Variants in CLTC observed in about 807,000 individuals in gnomAD.
CLTC encodes the protein clathrin heavy chain.
In CLTC, 16 loss-of-function variants were observed where a neutral mutation model predicts 195.8. That is an observed-to-expected ratio of 0.08 (90% CI 0.06 to 0.12). The LOEUF is 0.12. Ranked by LOEUF, CLTC falls within the 10% of genes least tolerant of loss-of-function variation. The probability of loss-of-function intolerance (pLI) is 1.00; values close to 1 mark genes in which losing one functional copy is unlikely to be tolerated. For missense variants in CLTC, 796 were observed against 2,027.0 expected, an observed-to-expected ratio of 0.39 and a Z score of 11.66; for synonymous variants, 667 against 689.4, an observed-to-expected ratio of 0.97 and a Z score of 0.51.
At chr17:59,621,867 G>A (rs1010094256) in intron 1 of CLTC, among the ~76,000 whole-genome samples, 4 of 152,088 alleles carry the variant, frequency 2.6e-5, no homozygotes, top group Non-Finnish European at 4.4e-5. Context: ...AGGGGAAAAC[G>A]CGGGCTTATT....
chr17:59,669,323 AG>A (rs2032796288), intron 14 of CLTC, among the ~76,000 whole-genome samples: 2 of 152,182 alleles, frequency 1.3e-5, no homozygotes, highest in South Asian at 4.1e-4. Context: ...CCTCTATTGT[AG>A]GCAAAGGGAT....
At chr17:59,674,898 A>G (rs78192833) in intron 16 of CLTC, 55 bp downstream of exon 16, 44,135 of 1,517,288 alleles carry the variant, frequency 0.029, 721 homozygotes, top group Non-Finnish European at 0.035. Context: ...GGCAATAGAT[A>G]AAAATATAGG....
At chr17:59,633,311 T>G (rs927340618) in intron 1 of CLTC, among the ~76,000 whole-genome samples, 1 of 152,032 alleles carries the variant, frequency 6.6e-6, no homozygotes, top group African/African-American at 2.4e-5. Context: ...GCCAACATGG[T>G]GAAACCCCGT....
At chr17:59,673,364 A>C (rs912818773) in intron 14 of CLTC, among the ~76,000 whole-genome samples, 1 of 152,212 alleles carries the variant, frequency 6.6e-6, no homozygotes, top group African/African-American at 2.4e-5. Context: ...TTATCATCTG[A>C]GAGCCACTGG....
rs2031308648 is a variant in CLTC, at chr17:59,620,030, C to T, written c.-102C>T. 7.6e-6 allele frequency: 8 copies of T among 1,050,804 alleles called. No individual in the cohort carries two copies. Among genetic ancestry groups the T allele is most frequent in the Non-Finnish European group, 1.2e-5 (8 of 692,110 alleles). The allele number at this position is 1,050,804 out of a possible 1,614,324, so 65.1% of individuals were successfully genotyped here. On this transcript the variant is annotated 5_prime_UTR_variant, in exon 1 of 32. Coordinates refer to ENST00000269122, the MANE Select transcript of CLTC (RefSeq NM_004859.4). ...TCCCCGGAGAGGATCCTGCTGAGCC[C>T]AGCCTCCCCCCTCCCCTTCTCCTCC...
intron 1 of CLTC, among the ~76,000 whole-genome samples, chr17:59,632,701 C>T (rs781188268): frequency 3.9e-5 from 6 of 151,972 alleles, no homozygotes; most frequent in Non-Finnish European, 5.9e-5. Flanking sequence ...CTCTTCCTGA[C>T]CAAAAAAATC....
In CLTC at chr17:59,666,066, T is replaced by G; in HGVS notation, c.1645-37T>G. The G allele has an allele frequency of 6.6e-7, 1 of 1,509,110 alleles. No individual in the cohort carries two copies. Among genetic ancestry groups the G allele is most frequent in the Non-Finnish European group, 9.2e-7 (1 of 1,090,764 alleles). 93.5% of individuals were successfully genotyped at this position (1,509,110 alleles called of 1,614,324 possible). A position where few individuals can be genotyped will look rare whatever the true frequency, so the allele number is the denominator to read the frequency against. On this transcript the variant is annotated intron_variant, in intron 10 of 31. Transcript: ENST00000269122. This position sits in a 1 kb window ranked among gnomAD's most constrained non-coding sequence, Gnocchi z 4.9. ...AATTTTGTCTACATACTCTCCATAG[T>G]ATCTTAAAACAATTTCTTTTAAATC...
chr17:59,656,136 CAT>C, intron 6 of CLTC, 109 bp downstream of exon 6: 1 of 952,070 alleles, frequency 1.1e-6, no homozygotes. Context: ...AGAAAATAAA[CAT>C]ATTACTGTTA....
intron 2 of CLTC, among the ~76,000 whole-genome samples, chr17:59,646,557 A>G (rs1430019743): frequency 6.6e-6 from 1 of 151,536 alleles, no homozygotes. Flanking sequence ...TTAAAGACTA[A>G]TCTTGATAGC....
chr17:59,648,363 T>C lies in CLTC; in HGVS notation c.643T>C (p.Leu215=). ...GGAAGGAAATGCAGAAGAATCAACG[T>C]TATTTTGTTTTGCAGTTCGGGGCCA... ...KMEGNAEEST[L]FCFAVRGQAG... The change falls in exon 4 of 32, where the codon TTA becomes CTA. Residue 215 remains leucine, a synonymous_variant. Transcript: ENST00000269122. This position sits in a 1 kb window ranked among gnomAD's most constrained non-coding sequence, Gnocchi z 4.5. The C allele has an allele frequency of 1.2e-6, 2 of 1,614,026 alleles. No homozygotes were observed. Among genetic ancestry groups the C allele is most frequent in the Non-Finnish European group, 1.7e-6 (2 of 1,179,948 alleles).
At chr17:59,656,704 T>C (rs1008162856) in intron 6 of CLTC, among the ~76,000 whole-genome samples, 2 of 142,958 alleles carry the variant, frequency 1.4e-5, no homozygotes, top group Non-Finnish European at 3.1e-5. Context: ...GATGGAGTCT[T>C]GCTCTGTCAC....
intron 30 of CLTC, among the ~76,000 whole-genome samples, chr17:59,686,239 T>C (rs1054756506): frequency 7.2e-5 from 11 of 152,164 alleles, no homozygotes; most frequent in African/African-American, 2.4e-4. Flanking sequence ...CCTTTTAATC[T>C]TCACAATTTT....
chr17:59,656,666 A>ATTTTTTTTTTTTTTTTTTT (rs55669818), intron 6 of CLTC, among the ~76,000 whole-genome samples: 16 of 96,222 alleles, frequency 1.7e-4, no homozygotes, highest in Non-Finnish European at 2.8e-4. Flanking sequence ...TATTATTTTA[A>ATTTTTTTTTTTTTTTTTTT]TTTTTTTTTT....
intron 1 of CLTC, among the ~76,000 whole-genome samples, chr17:59,623,387 T>G (rs2143431934): frequency 6.6e-6 from 1 of 152,370 alleles, no homozygotes; most frequent in East Asian, 1.9e-4. Flanking sequence ...AAATGTATCA[T>G]ATTCTTCAGA....
intron 1 of CLTC, among the ~76,000 whole-genome samples, chr17:59,636,365 CCAAGA>C (rs1259554981): frequency 6.6e-6 from 1 of 152,146 alleles, no homozygotes; most frequent in Non-Finnish European, 1.5e-5. Context: ...ATTTTTAAAA[CCAAGA>C]CAGGAAAAAC....
intron 1 of CLTC, among the ~76,000 whole-genome samples, chr17:59,641,080 C>G (rs2032016301): frequency 6.6e-6 from 1 of 150,732 alleles, no homozygotes; most frequent in African/African-American, 2.4e-5. Flanking sequence ...GATCATGCCA[C>G]TGCATTCCAG....
Position 59,648,499 on chromosome 17 carries a change from A to G in CLTC, c.681+98A>G, listed in dbSNP as rs1014820239. On this transcript the variant is annotated intron_variant, in intron 4 of 31. Transcript: ENST00000269122. The surrounding 1 kb of genome is among the most constrained non-coding windows in gnomAD (Gnocchi z 4.5). Reference sequence around the variant, plus strand: ...TTTCAAAATAGCCTTCTCCCTTCCTAAGTAATTTTAGTATTCACATTTGTG... The same window carrying G: ...TTTCAAAATAGCCTTCTCCCTTCCTGAGTAATTTTAGTATTCACATTTGTG... The G allele has an allele frequency of 2.6e-6, 3 of 1,173,578 alleles. No homozygotes were observed. In the East Asian group the frequency reaches 7.1e-5, roughly 28 times the overall value. The allele number at this position is 1,173,578 out of a possible 1,614,324, so 72.7% of individuals were successfully genotyped here. A position where few individuals can be genotyped will look rare whatever the true frequency, so the allele number is the denominator to read the frequency against.
Position 59,666,480 on chromosome 17 carries a change from G to A in CLTC, c.1783G>A (p.Val595Ile), listed in dbSNP as rs1555605426. ...ACTTGCCTTGTTTGTGGTTTTACAG[G>A]TTGCAGATGCTATTCTAGGCAATCA... ...LEMNLMHAPQ[V>I]ADAILGNQMF... Residue 595 changes from valine (V) to isoleucine (I), a missense_variant and splice_region_variant, in exon 12 of 32, where the codon GTT becomes ATT. Around this residue, in one of 9 missense-constraint regions of CLTC, gnomAD observed 293 missense variants for 795.6 expected, o/e 0.37. Coordinates refer to ENST00000269122, the MANE Select transcript of CLTC (RefSeq NM_004859.4). The surrounding 1 kb of genome is among the most constrained non-coding windows in gnomAD (Gnocchi z 4.9). 1 of 1,611,856 alleles carries A rather than the reference G, an allele frequency of 6.2e-7. No homozygotes were observed. The highest frequency in any genetic ancestry group is 1.3e-5 in the African/African-American group (1 of 74,838).
At chr17:59,680,720 TTAGAG>T (rs2033064794) in intron 18 of CLTC, among the ~76,000 whole-genome samples, 187 bp from the exon 19 acceptor site, 1 of 152,240 alleles carries the variant, frequency 6.6e-6, no homozygotes, top group African/African-American at 2.4e-5. Context: ...AATTATATAA[TTAGAG>T]TAATTTTTCA....
Sources: allele counts gnomAD v4.1 joint callset (sites outside exome capture counted in the v4.1 genomes callset), GRCh38; gene constraint gnomAD v4.1.1; regional missense constraint gnomAD v4.1.1; non-coding constraint Gnocchi (gnomAD v3.1); transcripts MANE v1.5; gene names NCBI Gene and HGNC (gene_info 2026-07-23, HGNC 2026-07-21).